OR2L13: variants seen among roughly 807,000 people sequenced by gnomAD.
The protein encoded by OR2L13 is olfactory receptor family 2 subfamily L member 13.
In OR2L13, 14 loss-of-function variants were observed where a neutral mutation model predicts 15.3. That is an observed-to-expected ratio of 0.91 (90% confidence interval 0.60 to 1.43). OR2L13 has a LOEUF of 1.43. OR2L13 is among the 40% of genes most tolerant of loss of function. The pLI, the probability that OR2L13 is intolerant of heterozygous loss-of-function variation, is 0.00. For synonymous variants in OR2L13, 152 were observed against 142.9 expected (o/e 1.06, Z -0.45); for missense variants, 367 against 387.9 (o/e 0.95, Z 0.45).
chr1:248,043,265 G>C, the OR2L13 span, among the ~76,000 whole-genome samples: 1 of 152,190 alleles, frequency 6.6e-6, no homozygotes, highest in Non-Finnish European at 1.5e-5. Flanking sequence ...GTAAGTATTT[G>C]AGTTCTATCA....
chr1:247,954,430 A>G, the OR2L13 span, among the ~76,000 whole-genome samples: 1 of 152,162 alleles, frequency 6.6e-6, no homozygotes, highest in East Asian at 1.9e-4. Context: ...TTGTCTCATT[A>G]CCACAAATTC....
chr1:248,091,102 T>C (rs1371970461), upstream of OR2L13, among the ~76,000 whole-genome samples: 2 of 152,200 alleles, frequency 1.3e-5, no homozygotes, highest in African/African-American at 4.8e-5. Flanking sequence ...AAGAGTCTAC[T>C]AATATTCTTT....
chr1:247,942,908 C>T, the OR2L13 span, among the ~76,000 whole-genome samples: 6 of 151,116 alleles, frequency 4.0e-5, no homozygotes, highest in African/African-American at 1.5e-4. Flanking sequence ...CTGGGGTCCA[C>T]TCTTCCACTT....
chr1:248,083,510 TAAA>T, the OR2L13 span: 1,633 of 780,660 alleles, frequency 2.1e-3, no homozygotes, highest in Non-Finnish European at 3.2e-3. Flanking sequence ...ACTTCATTCT[TAAA>T]AATATCTTAT....
the OR2L13 span, chr1:248,061,584 A>G: frequency 7.3e-5 from 118 of 1,613,174 alleles, no homozygotes; most frequent in Non-Finnish European, 9.9e-5. Context: ...GGGCCCTGAC[A>G]CGAGTGAGTC....
the OR2L13 span, among the ~76,000 whole-genome samples, chr1:248,035,224 G>A: frequency 1.3e-5 from 2 of 152,022 alleles, no homozygotes; most frequent in African/African-American, 4.8e-5. Context: ...GCCGAGATGG[G>A]CGGATCACGA....
chr1:248,070,971 G>A, the OR2L13 span, among the ~76,000 whole-genome samples: 13 of 152,198 alleles, frequency 8.5e-5, no homozygotes, highest in Admixed American at 2.6e-4. Context: ...CTCTGAAATT[G>A]TGGCAATAAT....
At chr1:247,956,297 G>A in the OR2L13 span, among the ~76,000 whole-genome samples, 12 of 152,004 alleles carry the variant, frequency 7.9e-5, no homozygotes, top group Non-Finnish European at 1.3e-4. Context: ...TGTTCCATTG[G>A]TCTATATCTC....
At chr1:248,008,800 C>T in the OR2L13 span, among the ~76,000 whole-genome samples, 2 of 152,172 alleles carry the variant, frequency 1.3e-5, no homozygotes, top group Admixed American at 6.5e-5. Context: ...AAACACTCCT[C>T]AGCAAATGCA....
At chr1:248,051,755 A>G in the OR2L13 span, among the ~76,000 whole-genome samples, 2 of 150,464 alleles carry the variant, frequency 1.3e-5, no homozygotes, top group African/African-American at 5.0e-5. Flanking sequence ...TGTCTGTTCA[A>G]GTGTCTGCTT....
At chr1:247,974,494 T>C in the OR2L13 span, among the ~76,000 whole-genome samples, 1 of 152,086 alleles carries the variant, frequency 6.6e-6, no homozygotes, top group Non-Finnish European at 1.5e-5. Context: ...TTTACTACGG[T>C]GTATTTTTAT....
At chr1:247,983,769 G>A in the OR2L13 span, among the ~76,000 whole-genome samples, 3 of 152,146 alleles carry the variant, frequency 2.0e-5, no homozygotes, top group African/African-American at 4.8e-5. Flanking sequence ...TGCCACTCAC[G>A]ACTTGCAAAG....
the OR2L13 span, among the ~76,000 whole-genome samples, chr1:248,035,050 CTT>C: frequency 2.0e-3 from 282 of 140,684 alleles, 1 homozygote; most frequent in African/African-American, 6.6e-3. Context: ...TTATCTTTCC[CTT>C]TTTTTTTTTT....
chr1:248,073,442 T>C, the OR2L13 span, among the ~76,000 whole-genome samples: 34 of 149,474 alleles, frequency 2.3e-4, no homozygotes, highest in Admixed American at 4.7e-4. Context: ...TACATGGACA[T>C]AGGAAGGGGA....
the OR2L13 span, among the ~76,000 whole-genome samples, chr1:248,068,251 T>C: frequency 1.9e-3 from 289 of 150,972 alleles, 2 homozygotes; most frequent in South Asian, 3.1e-3. Context: ...CACCCCCCAG[T>C]AGGGGCAGAC....
the OR2L13 span, among the ~76,000 whole-genome samples, chr1:247,945,642 A>G: frequency 6.6e-6 from 1 of 152,154 alleles, no homozygotes; most frequent in Admixed American, 6.5e-5. Flanking sequence ...GACTCTTTGT[A>G]TGTGTCTAGG....
At chr1:248,046,970 A>G in the OR2L13 span, 1 of 152,300 alleles carries the variant, frequency 6.6e-6, no homozygotes, top group South Asian at 2.1e-4. Context: ...TTTCAGAAAT[A>G]GAATTGAGGT....
chr1:247,951,996 C>CGTGTGCGTGTGT, the OR2L13 span, among the ~76,000 whole-genome samples: 51 of 151,924 alleles, frequency 3.4e-4, no homozygotes, highest in Non-Finnish European at 6.2e-4. Context: ...TGTGTGTGCG[C>CGTGTGCGTGTGT]GCGTGCGCGC....
the OR2L13 span, among the ~76,000 whole-genome samples, chr1:248,025,891 T>C: frequency 2.7e-5 from 4 of 146,794 alleles, no homozygotes; most frequent in African/African-American, 8.0e-5. Context: ...TAGGTGGGAA[T>C]TGAACAATGA....
Sources: gnomAD v4.1 joint callset for allele counts (sites outside exome capture counted in the v4.1 genomes callset) on GRCh38, gnomAD v4.1.1 for gene constraint, MANE v1.5 for transcripts, NCBI Gene and HGNC (gene_info 2026-07-23, HGNC 2026-07-21) for gene names.